Variants in MAD1L1 observed in about 807,000 individuals in gnomAD.
MAD1L1 encodes mitotic arrest deficient 1 like 1.
MAD1L1 carries 95 observed loss-of-function variants against 96.9 expected under a neutral mutation model. The ratio of observed to expected loss-of-function variants is 0.98; its 90% CI spans 0.83 to 1.16. The LOEUF is 1.16. MAD1L1 is among the 50% of genes most tolerant of loss of function. MAD1L1 has a pLI of 0.00. For synonymous variants in MAD1L1, 473 were observed against 396.6 expected (o/e 1.19, Z -2.29); for missense variants, 1,007 against 954.4 (o/e 1.06, Z -0.73).
chr7:1,842,831 A>C (rs891241203), intron 18 of MAD1L1, among the ~76,000 whole-genome samples: 1 of 152,192 alleles, frequency 6.6e-6, no homozygotes, highest in Non-Finnish European at 1.5e-5. Flanking sequence ...CCCACATGTC[A>C]GCCCCTCGCC....
chr7:2,039,417 C>T (rs1315352705), intron 12 of MAD1L1, among the ~76,000 whole-genome samples: 2 of 152,198 alleles, frequency 1.3e-5, no homozygotes, highest in Non-Finnish European at 2.9e-5. Context: ...AGCTGCAGTG[C>T]AGTTTTTAAG....
intron 11 of MAD1L1, among the ~76,000 whole-genome samples, chr7:2,097,752 A>G (rs1025868287): frequency 1.3e-5 from 2 of 152,124 alleles, no homozygotes; most frequent in African/African-American, 4.8e-5. Flanking sequence ...ACCAGCAGGG[A>G]GTGGTGCTGA....
chr7:2,124,310 C>A (rs895237519), intron 11 of MAD1L1, among the ~76,000 whole-genome samples: 2 of 152,230 alleles, frequency 1.3e-5, no homozygotes, highest in Non-Finnish European at 2.9e-5. Context: ...GACCCTCGCC[C>A]AGGAGCAAAA....
intron 11 of MAD1L1, among the ~76,000 whole-genome samples, chr7:2,145,689 G>T (rs1004643): frequency 6.6e-6 from 1 of 152,050 alleles, no homozygotes; most frequent in Non-Finnish European, 1.5e-5. Flanking sequence ...GCACCAGGTT[G>T]CACGGCAAGC....
At chr7:2,082,802 G>T (rs549877105) in intron 11 of MAD1L1, among the ~76,000 whole-genome samples, 1 of 152,222 alleles carries the variant, frequency 6.6e-6, no homozygotes, top group Non-Finnish European at 1.5e-5. Flanking sequence ...GCCTGCACTC[G>T]GCCCAGCCTC....
chr7:2,125,253 G>A (rs1305120245), intron 11 of MAD1L1, among the ~76,000 whole-genome samples: 2 of 152,096 alleles, frequency 1.3e-5, no homozygotes, highest in African/African-American at 2.4e-5. Flanking sequence ...GGTGGGGGCG[G>A]CGCCACGAGG....
At chr7:2,102,250 CTGT>C (rs1278548612) in intron 11 of MAD1L1, among the ~76,000 whole-genome samples, 10 of 150,636 alleles carry the variant, frequency 6.6e-5, no homozygotes, top group African/African-American at 2.5e-4. Flanking sequence ...ACCACCGCCA[CTGT>C]CACCATCACC....
intron 18 of MAD1L1, among the ~76,000 whole-genome samples, chr7:1,843,615 C>T (rs996181527): frequency 2.0e-5 from 3 of 152,226 alleles, no homozygotes; most frequent in East Asian, 1.9e-4. Flanking sequence ...TGCCAAAGTG[C>T]GTGCTTCCTC....
intron 16 of MAD1L1, among the ~76,000 whole-genome samples, chr7:1,945,207 G>T (rs567382393): frequency 2.9e-4 from 44 of 152,358 alleles, no homozygotes; most frequent in African/African-American, 1.0e-3. Flanking sequence ...GGGACACCCC[G>T]ATCAGCCTAA....
chr7:1,876,682 C>G (rs1785401991), intron 18 of MAD1L1, among the ~76,000 whole-genome samples: 1 of 150,872 alleles, frequency 6.6e-6, no homozygotes, highest in African/African-American at 2.4e-5. Context: ...GAAACCAAAC[C>G]AAAAGCTAAA....
chr7:2,174,205 A>AT (rs1790844165), intron 10 of MAD1L1, among the ~76,000 whole-genome samples: 2 of 152,216 alleles, frequency 1.3e-5, no homozygotes, highest in Non-Finnish European at 2.9e-5. Flanking sequence ...TTCACTGGGT[A>AT]TAGAATCAAA....
chr7:1,982,224 T>C (rs1780938816), intron 14 of MAD1L1, among the ~76,000 whole-genome samples: 1 of 151,874 alleles, frequency 6.6e-6, no homozygotes, highest in South Asian at 2.1e-4. Flanking sequence ...TAAATATACA[T>C]ATATATTCTG....
At chr7:2,207,353 T>A (rs1430116007) in intron 10 of MAD1L1, among the ~76,000 whole-genome samples, 3 of 152,148 alleles carry the variant, frequency 2.0e-5, no homozygotes, top group Admixed American at 2.0e-4. Flanking sequence ...CCCAGGCAGC[T>A]TCAGATAGGG....
chr7:1,854,263 G>A (rs774951508), intron 18 of MAD1L1: 10 of 389,542 alleles, frequency 2.6e-5, no homozygotes, highest in Non-Finnish European at 5.1e-5. Context: ...TACTGAGCCC[G>A]CTGGGGCTGG....
chr7:1,865,448 G>A (rs377724577), intron 18 of MAD1L1, among the ~76,000 whole-genome samples: 1 of 152,342 alleles, frequency 6.6e-6, no homozygotes, highest in African/African-American at 2.4e-5. Context: ...GCTTTCAGAG[G>A]TCTCAGGACA....
chr7:2,166,102 A>G (rs1022343931), intron 10 of MAD1L1, among the ~76,000 whole-genome samples: 3 of 152,232 alleles, frequency 2.0e-5, no homozygotes, highest in African/African-American at 7.2e-5. Context: ...CGCCAGCAGC[A>G]AAGTCCACGC....
intron 18 of MAD1L1, among the ~76,000 whole-genome samples, chr7:1,832,210 C>T (rs1782734242): frequency 6.6e-6 from 1 of 151,880 alleles, no homozygotes. Context: ...TTGGTTCCAA[C>T]CCTCATGGAT....
chr7:1,888,482 G>A (rs1439119327), intron 18 of MAD1L1, among the ~76,000 whole-genome samples: 2 of 151,338 alleles, frequency 1.3e-5, no homozygotes, highest in African/African-American at 4.9e-5. Context: ...CTGTTCATGT[G>A]TGCATGCATG....
intron 10 of MAD1L1, among the ~76,000 whole-genome samples, chr7:2,159,505 T>C (rs530890133): frequency 1.3e-5 from 2 of 152,354 alleles, no homozygotes; most frequent in African/African-American, 4.8e-5. Context: ...CCTGCATCTT[T>C]CTACCTGCTT....
Sources: gnomAD v4.1 joint callset for allele counts (sites outside exome capture counted in the v4.1 genomes callset) on GRCh38, gnomAD v4.1.1 for gene constraint, MANE v1.5 for transcripts, NCBI Gene and HGNC (gene_info 2026-07-23, HGNC 2026-07-21) for gene names.